Variants in VWDE observed in about 807,000 individuals in gnomAD.
The protein encoded by VWDE is von Willebrand factor D and EGF domain-containing protein.
VWDE carries 207 observed loss-of-function variants against 178.4 expected under a neutral mutation model. That is an observed-to-expected ratio of 1.16 (90% CI 1.04 to 1.30). VWDE has a LOEUF of 1.30. Ranked by LOEUF, VWDE falls within the 50% of genes most tolerant of loss-of-function variation. The pLI, the probability that VWDE is intolerant of heterozygous loss-of-function variation, is 0.00. For synonymous variants in VWDE, 738 were observed against 651.4 expected (o/e 1.13, Z -2.02); for missense variants, 2,287 against 1,901.3 (o/e 1.20, Z -3.77).
rs147255899 is a variant in VWDE, at chr7:12,370,398, T to C, written c.1908A>G (p.Glu636=). The stretch of plus-strand genomic sequence containing the variant: ...CTGATCGAGAAACACTGTCCAGATC[T>C]TCGGAAGACGGATACGCTGCAGTGT... ...SLDTAAYPSS[E]DLDSVSRSEI... is the part of the protein sequence containing the mutation. The change falls in exon 12 of 29, where the codon GAA becomes GAG. Residue 636 remains glutamate, a synonymous_variant. Transcript: ENST00000275358. The C allele has an allele frequency of 2.0e-5, 31 of 1,549,412 alleles. No individual in the cohort carries two copies. In the African/African-American group the frequency reaches 2.3e-4, roughly 12 times the overall value.
intron 23 of VWDE, among the ~76,000 whole-genome samples, chr7:12,341,355 CG>C (rs1393133802): frequency 6.6e-6 from 1 of 152,066 alleles, no homozygotes; most frequent in Non-Finnish European, 1.5e-5. Context: ...AAGCTTACGC[CG>C]GGCGCAGTGG....
chr7:12,369,014 A>G (rs1227348372), intron 12 of VWDE, among the ~76,000 whole-genome samples: 2 of 152,206 alleles, frequency 1.3e-5, no homozygotes, highest in South Asian at 2.1e-4. Flanking sequence ...TAAAGGAAAC[A>G]AAACTTTTTA....
intron 23 of VWDE, among the ~76,000 whole-genome samples, chr7:12,341,737 T>A (rs1002808950): frequency 6.6e-6 from 1 of 152,166 alleles, no homozygotes; most frequent in Non-Finnish European, 1.5e-5. Flanking sequence ...GATGTTTGTA[T>A]TGCGATGAAA....
At chr7:12,374,920 T>G (rs1181617715) in intron 8 of VWDE, 90 bp downstream of exon 8, 2 of 1,328,252 alleles carry the variant, frequency 1.5e-6, no homozygotes, top group Admixed American at 2.8e-5. Context: ...CCAAAAAATT[T>G]TTTACATAAA....
At position 12,337,070 on chromosome 7, in the gene VWDE, AGGAT is replaced by A. The variant is rs1427445041; in HGVS notation, c.4472_4475del (p.Asp1491ValfsTer4). ...CACATTTTCCTCCATTCATGCACGTAGGATCACAGATGCCTTAAGGTAAAAGCAT... is the reference window on the plus strand; with the variant it reads ...CACATTTTCCTCCATTCATGCACGTACACAGATGCCTTAAGGTAAAAGCAT... On this transcript the variant is annotated frameshift_variant, in exon 26 of 29. Coordinates refer to ENST00000275358, the MANE Select transcript of VWDE (RefSeq NM_001135924.3). LOFTEE classifies it high-confidence loss of function. The A allele has an allele frequency of 1.3e-6, 2 of 1,551,652 alleles. No individual in the cohort carries two copies. The highest frequency in any genetic ancestry group is 3.9e-5 in the Admixed American group (2 of 51,004).
intron 1 of VWDE, among the ~76,000 whole-genome samples, chr7:12,396,698 C>A (rs1583358604): frequency 2.0e-5 from 3 of 152,062 alleles, no homozygotes; most frequent in African/African-American, 7.2e-5. Context: ...GGTGGATCAC[C>A]TGAGGCCAGG....
At chr7:12,394,014 CACTT>C (rs1203359751) in intron 1 of VWDE, among the ~76,000 whole-genome samples, 1 of 152,108 alleles carries the variant, frequency 6.6e-6, no homozygotes, top group Non-Finnish European at 1.5e-5. Context: ...ACTTTTGAAA[CACTT>C]AAGCTTTAAG....
chr7:12,377,689 A>G, intron 7 of VWDE, 87 bp downstream of exon 7: 1 of 775,260 alleles, frequency 1.3e-6, no homozygotes, highest in Non-Finnish European at 1.8e-6. Flanking sequence ...TTATTATATG[A>G]GTACACTCCA....
intron 24 of VWDE, among the ~76,000 whole-genome samples, chr7:12,338,364 A>G (rs1277000452): frequency 6.6e-6 from 1 of 151,704 alleles, no homozygotes; most frequent in East Asian, 1.9e-4. Flanking sequence ...TCTGCTCCCT[A>G]TCCTTCATAC....
In VWDE at chr7:12,380,558, C is replaced by T. The variant is rs1291496247; in HGVS notation, c.717G>A (p.Leu239=). The change falls in exon 5 of 29, where the codon CTG becomes CTA. Residue 239 remains leucine, a synonymous_variant. Transcript: ENST00000275358. ...ATGCCTGAACTGTGGTCTCTTGTGT[C>T]AGCTCCTCTTTGACTTCTTGAGAAG... ...RLSSQEVKEE[L]TQETTVQAFS... is the part of the protein sequence containing the mutation. The T allele has an allele frequency of 1.3e-6, 2 of 1,551,996 alleles. No individual in the cohort carries two copies. The highest frequency in any genetic ancestry group is 1.7e-6 in the Non-Finnish European group (2 of 1,147,102).
chr7:12,387,690 T>A (rs1784172004), intron 3 of VWDE, among the ~76,000 whole-genome samples: 1 of 152,104 alleles, frequency 6.6e-6, no homozygotes, highest in Non-Finnish European at 1.5e-5. Flanking sequence ...TTGTGTGATT[T>A]GGGGTCGGCT....
In VWDE at chr7:12,336,976, T is replaced by C. The variant is rs1781069427; in HGVS notation, c.4558+12A>G. ...GACGAAAGCTTCAGTGTTTTAAGAG[T>C]ATTCCTCTTACGTGTGTTGCATCGT... On this transcript the variant is annotated intron_variant, in intron 26 of 28. Transcript: ENST00000275358. 1.9e-6 allele frequency: 3 copies of C among 1,539,648 alleles called. No homozygotes were observed. The highest frequency in any genetic ancestry group is 2.6e-6 in the Non-Finnish European group (3 of 1,138,466).
intron 13 of VWDE, among the ~76,000 whole-genome samples, chr7:12,362,657 T>C (rs1057454801): frequency 1.3e-5 from 2 of 152,156 alleles, no homozygotes; most frequent in Non-Finnish European, 2.9e-5. Flanking sequence ...TCATAGAGCA[T>C]GCTGATGCTT....
At chr7:12,361,708 T>C (rs1177044369) in intron 13 of VWDE, among the ~76,000 whole-genome samples, 187 bp from the exon 14 acceptor site, 1 of 152,142 alleles carries the variant, frequency 6.6e-6, no homozygotes, top group Non-Finnish European at 1.5e-5. Context: ...TATATGTTAA[T>C]ATGATGCAAA....
rs1385954631 is a variant in VWDE at position 12,361,210 on chromosome 7, C to T, written c.3096G>A (p.Thr1032=). 7 of 1,548,038 alleles carry T rather than the reference C, an allele frequency of 4.5e-6. No individual in the cohort carries two copies. The highest frequency in any genetic ancestry group is 4.1e-5 in the African/African-American group (3 of 72,888). ...DGYKFSNPKI[T]VIYDGACQVC... ...CTTGGCAAGCACCATCATATATGAC[C>T]GTTATTTTGGGATTACTGAATTTAT... Residue 1032 remains threonine (T), a synonymous_variant, in exon 15 of 29, where the codon ACG becomes ACA. Coordinates refer to ENST00000275358, the MANE Select transcript of VWDE (RefSeq NM_001135924.3).
At chr7:12,371,153 T>A (rs1443886725) in intron 10 of VWDE, among the ~76,000 whole-genome samples, 6 of 152,114 alleles carry the variant, frequency 3.9e-5, no homozygotes, top group Non-Finnish European at 8.8e-5. Context: ...ATTTATACAA[T>A]TAATACATTA....
At chr7:12,395,451 T>C (rs1273886611) in intron 1 of VWDE, among the ~76,000 whole-genome samples, 1 of 152,130 alleles carries the variant, frequency 6.6e-6, no homozygotes, top group Non-Finnish European at 1.5e-5. Flanking sequence ...TATTCCTCCT[T>C]ACTCAGCACC....
rs1430551720 is a variant in VWDE, at chr7:12,369,748, G to C, written c.2558C>G (p.Ala853Gly). 1.3e-6 allele frequency: 2 copies of C among 1,551,366 alleles called. No homozygotes were observed. Among genetic ancestry groups the C allele is most frequent in the East Asian group, 2.4e-5 (1 of 40,916 alleles). The change falls in exon 12 of 29, where the codon GCA becomes GGA. Residue 853 changes from alanine (A) to glycine (G), a missense_variant. Transcript: ENST00000275358. ...TTCATTTTCTAAAAGGGCCACACCT[G>C]CTTCTGCCCAACTAAGATCATCTTT... Reference protein sequence around the residue: ...LLKDDLSWAEAGVALLENECE... With the variant: ...LLKDDLSWAEGGVALLENECE...
chr7:12,386,762 T>C (rs1784117930), intron 3 of VWDE, among the ~76,000 whole-genome samples: 1 of 152,192 alleles, frequency 6.6e-6, no homozygotes, highest in Admixed American at 6.5e-5. Flanking sequence ...AGTATTCTCT[T>C]CTACAGTATT....
Sources: gnomAD v4.1 joint callset for allele counts (sites outside exome capture counted in the v4.1 genomes callset) on GRCh38, gnomAD v4.1.1 for gene constraint, MANE v1.5 for transcripts, NCBI Gene and HGNC (gene_info 2026-07-23, HGNC 2026-07-21) for gene names.